Variants in ATF7IP2 observed in about 807,000 individuals in gnomAD.
ATF7IP2 encodes the protein activating transcription factor 7-interacting protein 2.
A neutral mutation model predicts 64.2 loss-of-function variants in ATF7IP2; 42 were observed. That is an observed-to-expected ratio of 0.65 (90% CI 0.51 to 0.85). The LOEUF (loss-of-function observed/expected upper bound fraction) is 0.85. Among genes scored for constraint, ATF7IP2 ranks in the 40% least tolerant of loss-of-function variants. ATF7IP2 has a pLI of 0.00. For synonymous variants in ATF7IP2, 308 were observed against 272.8 expected (o/e 1.13, Z -1.27); for missense variants, 933 against 784.2 (o/e 1.19, Z -2.27).
chr16:10,430,842 A>C lies in ATF7IP2; in HGVS notation c.222A>C (p.Ala74=). Residue 74 remains alanine (A), a synonymous_variant, in exon 5 of 14, where the codon GCA becomes GCC. Coordinates refer to ENST00000562102, the MANE Select transcript of ATF7IP2 (RefSeq NM_001393719.1). ...ITKCSPSENG[A]SSLDSNKNSI... ...AATGTAGCCCTTCTGAAAATGGTGC[A>C]TCCTCATTGGACTCTAATAAAAATT... 1 of 1,613,976 alleles carries C rather than the reference A, an allele frequency of 6.2e-7. No homozygotes were observed. Among genetic ancestry groups the C allele is most frequent in the Non-Finnish European group, 8.5e-7 (1 of 1,179,868 alleles).
intron 9 of ATF7IP2, among the ~76,000 whole-genome samples, chr16:10,469,400 C>G (rs2049704797): frequency 6.6e-6 from 1 of 151,980 alleles, no homozygotes; most frequent in Non-Finnish European, 1.5e-5. Context: ...GATACAGTGT[C>G]TGAAAATTTT....
chr16:10,473,870 A>T, intron 11 of ATF7IP2, 53 bp from the exon 12 acceptor site: 1 of 1,175,106 alleles, frequency 8.5e-7, no homozygotes, highest in Non-Finnish European at 1.2e-6. Flanking sequence ...ATTTTTAAAA[A>T]CATTTTCAGC....
Position 10,482,726 on chromosome 16 carries a change from A to AAATT in ATF7IP2, c.*480_*483dup, listed in dbSNP as rs1567185731. The AAATT allele has an allele frequency of 6.6e-6, 1 of 151,444 alleles. No individual in the cohort carries two copies. The highest frequency in any genetic ancestry group is 2.4e-5 in the African/African-American group (1 of 41,286). 9.4% of individuals were successfully genotyped at this position (151,444 alleles called of 1,614,324 possible). ...GCTGCATGATAAAAGTTAATTATAA[A>AAATT]AATTAAAAGATTTTTTTTTTTGAGA... On this transcript the variant is annotated 3_prime_UTR_variant, in exon 14 of 14. Transcript: ENST00000562102.
At chr16:10,407,362 C>G (rs1162123803) in intron 1 of ATF7IP2, among the ~76,000 whole-genome samples, 1 of 152,160 alleles carries the variant, frequency 6.6e-6, no homozygotes, top group East Asian at 1.9e-4. Context: ...AGTTACTGAA[C>G]ATAGTACTAT....
intron 3 of ATF7IP2, among the ~76,000 whole-genome samples, chr16:10,425,104 G>A (rs551866063): frequency 1.3e-3 from 192 of 148,946 alleles, no homozygotes; most frequent in African/African-American, 4.5e-3. Flanking sequence ...TGTTGACCAG[G>A]CTAGCGTGCA....
chr16:10,415,134 A>G (rs1003954607), intron 2 of ATF7IP2, among the ~76,000 whole-genome samples: 2 of 152,228 alleles, frequency 1.3e-5, no homozygotes, highest in Admixed American at 1.3e-4. Context: ...CAATCCTAAA[A>G]TTAATATGGA....
chr16:10,457,519 G>C lies in ATF7IP2; in HGVS notation c.1342G>C (p.Val448Leu). 1.3e-6 allele frequency: 2 copies of C among 1,564,730 alleles called. No homozygotes were observed. Among genetic ancestry groups the C allele is most frequent in the African/African-American group, 2.8e-5 (2 of 72,474 alleles). Residue 448 changes from valine to leucine, a missense_variant, in exon 9 of 14, where the codon GTT becomes CTT. Coordinates refer to ENST00000562102, the MANE Select transcript of ATF7IP2 (RefSeq NM_001393719.1). ...TTTGTCATCAGATCAAAATAAGTCTGTTTCTGAAAGGTAGGTGTTTCTGCA... is the reference window on the plus strand; with the variant it reads ...TTTGTCATCAGATCAAAATAAGTCTCTTTCTGAAAGGTAGGTGTTTCTGCA... ...INLSSDQNKS[V>L]SESNNDDVML...
chr16:10,414,893 T>C (rs1426696596), intron 2 of ATF7IP2, among the ~76,000 whole-genome samples: 1 of 152,102 alleles, frequency 6.6e-6, no homozygotes. Context: ...TATCTCTCTT[T>C]AAAATTAAAT....
At chr16:10,445,236 C>T (rs1215942564) in intron 8 of ATF7IP2, 4 of 152,176 alleles carry the variant, frequency 2.6e-5, no homozygotes, top group African/African-American at 7.2e-5. Flanking sequence ...GATAACATTT[C>T]TCTTTGGTCT....
At position 10,483,135 on chromosome 16, in the gene ATF7IP2, G is replaced by C. The variant is rs2142125007; in HGVS notation, c.*886G>C. On this transcript the variant is annotated 3_prime_UTR_variant, in exon 14 of 14. Coordinates refer to ENST00000562102, the MANE Select transcript of ATF7IP2 (RefSeq NM_001393719.1). ...GTTTTGCACTTTGTCAATCATTTGG[G>C]GAAATAGCCTGGAGGTCTTTCCTGA... is the stretch of plus-strand genomic sequence containing the variant. 1 of 152,208 alleles carries C rather than the reference G, an allele frequency of 6.6e-6. No individual in the cohort carries two copies. Among genetic ancestry groups the C allele is most frequent in the East Asian group, 1.9e-4 (1 of 5,172 alleles). The allele number at this position is 152,208 out of a possible 1,614,324, so 9.4% of individuals were successfully genotyped here. A position where few individuals can be genotyped will look rare whatever the true frequency, so the allele number is the denominator to read the frequency against.
At chr16:10,465,027 G>A (rs183852260) in intron 9 of ATF7IP2, among the ~76,000 whole-genome samples, 4 of 152,206 alleles carry the variant, frequency 2.6e-5, no homozygotes, top group African/African-American at 7.2e-5. Context: ...AAGGGGTTTC[G>A]CCATGTTAGT....
At chr16:10,462,241 A>G (rs369041717) in intron 9 of ATF7IP2, among the ~76,000 whole-genome samples, 1 of 152,100 alleles carries the variant, frequency 6.6e-6, no homozygotes, top group Middle Eastern at 3.2e-3. Flanking sequence ...CTAGAGGATG[A>G]CTACTATGTA....
intron 1 of ATF7IP2, among the ~76,000 whole-genome samples, chr16:10,389,519 C>T (rs2047278518): frequency 6.6e-6 from 1 of 152,132 alleles, no homozygotes; most frequent in Non-Finnish European, 1.5e-5. Context: ...CATCCCCTAC[C>T]ATCCAATTAA....
At chr16:10,396,681 GTGTCTCAC>G (rs1322954203) in intron 1 of ATF7IP2, among the ~76,000 whole-genome samples, 2 of 151,960 alleles carry the variant, frequency 1.3e-5, no homozygotes, top group East Asian at 3.9e-4. Flanking sequence ...AATTGAGACA[GTGTCTCAC>G]TGTCTCACAG....
chr16:10,394,495 G>A (rs2047386421), intron 1 of ATF7IP2, among the ~76,000 whole-genome samples: 1 of 152,150 alleles, frequency 6.6e-6, no homozygotes, highest in South Asian at 2.1e-4. Context: ...AGTGAGACAA[G>A]AGACGACTTG....
chr16:10,398,512 C>T (rs1236642570), intron 1 of ATF7IP2, among the ~76,000 whole-genome samples: 1 of 152,082 alleles, frequency 6.6e-6, no homozygotes, highest in Non-Finnish European at 1.5e-5. Flanking sequence ...TACTTGCACT[C>T]ACATGTTTAT....
chr16:10,456,994 A>C (rs1021750117), intron 8 of ATF7IP2, among the ~76,000 whole-genome samples: 1 of 152,230 alleles, frequency 6.6e-6, no homozygotes, highest in Non-Finnish European at 1.5e-5. Context: ...TTGGAAGAGC[A>C]AGTTAGCAAT....
At chr16:10,399,815 G>A (rs1219936423) in intron 1 of ATF7IP2, among the ~76,000 whole-genome samples, 1 of 152,130 alleles carries the variant, frequency 6.6e-6, no homozygotes, top group Non-Finnish European at 1.5e-5. Context: ...CTCCTGATCA[G>A]TGAGCATGGG....
At chr16:10,389,510 A>G (rs1199883087) in intron 1 of ATF7IP2, among the ~76,000 whole-genome samples, 3 of 152,210 alleles carry the variant, frequency 2.0e-5, no homozygotes, top group Admixed American at 1.3e-4. Context: ...CAGTGTTACC[A>G]TCCCCTACCA....
Sources: gnomAD v4.1 joint callset for allele counts (sites outside exome capture counted in the v4.1 genomes callset) on GRCh38, gnomAD v4.1.1 for gene constraint, MANE v1.5 for transcripts, NCBI Gene and HGNC (gene_info 2026-07-23, HGNC 2026-07-21) for gene names.